The following FRMD4A variants were observed in gnomAD, a reference collection of about 807,000 sequenced individuals.
The protein encoded by FRMD4A is FERM domain containing 4A, also known as FERM domain-containing protein 4A.
In FRMD4A, 29 loss-of-function variants were observed where a neutral mutation model predicts 129.1. The ratio of observed to expected loss-of-function variants is 0.22; its 90% CI spans 0.17 to 0.31. The LOEUF (loss-of-function observed/expected upper bound fraction) is 0.31. FRMD4A is among the 10% of genes least tolerant of loss of function. The pLI is 1.00. For missense variants in FRMD4A, 1,272 were observed against 1,375.8 expected (o/e 0.92, Z 1.19); for synonymous variants, 634 against 571.6 (o/e 1.11, Z -1.56).
At chr10:13,652,764 G>A (rs2081758537) in intron 23 of FRMD4A, 1 of 152,182 alleles carries the variant, frequency 6.6e-6, no homozygotes, top group Admixed American at 6.5e-5. Flanking sequence ...ACTTGAGTGT[G>A]GGTCAGCATC....
intron 2 of FRMD4A, among the ~76,000 whole-genome samples, chr10:14,043,073 A>C (rs925921029): frequency 2.6e-5 from 4 of 152,162 alleles, no homozygotes; most frequent in Non-Finnish European, 4.4e-5. Context: ...AAATGTTCAG[A>C]TCTTCCAGGT....
At chr10:14,098,489 C>T (rs1027518877) in intron 2 of FRMD4A, among the ~76,000 whole-genome samples, 2 of 151,910 alleles carry the variant, frequency 1.3e-5, no homozygotes, top group Admixed American at 1.3e-4. Context: ...CTGCAAGCTC[C>T]GCTTCCCGGG....
In FRMD4A at chr10:14,129,408, A is replaced by ATATATAT. The variant is rs1491249191; in HGVS notation, c.45+200649_45+200650insATATATA. ...TATATATATATATATATATATATATAAAAAATATGAGCTGTAGAACATACT... is the reference window on the plus strand; with the variant it reads ...TATATATATATATATATATATATATATATATATAAAAATATGAGCTGTAGAACATACT... On this transcript the variant is annotated intron_variant, in intron 2 of 24. Transcript: ENST00000357447. Among the ~76,000 whole-genome samples, 44 of 103,168 alleles carry ATATATAT rather than the reference A, an allele frequency of 4.3e-4. 1 individual carries two copies. Among genetic ancestry groups the ATATATAT allele is most frequent in the Middle Eastern group, 5.0e-3 (1 of 202 alleles). The allele number at this position is 103,168 out of a possible 152,430, so 67.7% of individuals were successfully genotyped here.
chr10:14,297,948 A>C (rs1055255255), intron 2 of FRMD4A, among the ~76,000 whole-genome samples: 1 of 152,238 alleles, frequency 6.6e-6, no homozygotes, highest in African/African-American at 2.4e-5. Context: ...AATTAATGTT[A>C]TCTCTCTGGG....
intron 2 of FRMD4A, among the ~76,000 whole-genome samples, chr10:14,296,939 C>T (rs997989717): frequency 1.3e-5 from 2 of 152,178 alleles, no homozygotes; most frequent in Non-Finnish European, 2.9e-5. Context: ...GGGGAGACAA[C>T]ATCAGTAAAT....
At chr10:13,841,175 C>T (rs1400229537) in intron 3 of FRMD4A, among the ~76,000 whole-genome samples, 1 of 152,076 alleles carries the variant, frequency 6.6e-6, no homozygotes, top group Non-Finnish European at 1.5e-5. Context: ...GTAGTAGAGA[C>T]TTCATACATT....
At chr10:14,058,543 G>GA (rs950367262) in intron 2 of FRMD4A, among the ~76,000 whole-genome samples, 3 of 152,054 alleles carry the variant, frequency 2.0e-5, no homozygotes, top group African/African-American at 7.2e-5. Flanking sequence ...GTAAAAACTA[G>GA]AAAAAAATGA....
chr10:13,797,041 T>C (rs1399171268), intron 4 of FRMD4A, among the ~76,000 whole-genome samples: 1 of 152,140 alleles, frequency 6.6e-6, no homozygotes, highest in East Asian at 1.9e-4. Context: ...ATTACTAGCT[T>C]TTCAGTATTG....
chr10:13,722,232 T>A (rs1308577885), intron 12 of FRMD4A, among the ~76,000 whole-genome samples: 9 of 149,924 alleles, frequency 6.0e-5, no homozygotes, highest in Admixed American at 6.0e-4. Context: ...GGGCTCTTTT[T>A]TTTTTTTTTT....
intron 15 of FRMD4A, chr10:13,693,032 TA>T (rs775628588): frequency 4.1e-4 from 10 of 24,674 alleles, no homozygotes; most frequent in South Asian, 3.0e-3. Context: ...CCTGGCTAAT[TA>T]ATTTTTTTTT....
At chr10:14,292,317 C>T (rs2132076764) in intron 2 of FRMD4A, among the ~76,000 whole-genome samples, 1 of 152,276 alleles carries the variant, frequency 6.6e-6, no homozygotes, top group East Asian at 1.9e-4. Context: ...TGGAATAGAA[C>T]AGAATGCTCA....
intron 2 of FRMD4A, among the ~76,000 whole-genome samples, chr10:13,914,346 C>T (rs78968973): frequency 0.02 from 3,029 of 152,178 alleles, 113 homozygotes; most frequent in African/African-American, 0.069. Flanking sequence ...TTATGAATAA[C>T]GTATCCAATA....
intron 2 of FRMD4A, among the ~76,000 whole-genome samples, chr10:14,258,934 A>C (rs1622532): frequency 0.089 from 13,494 of 152,224 alleles, 1,251 homozygotes; most frequent in African/African-American, 0.23. Flanking sequence ...TCTATTCATA[A>C]AAATATTAAG....
chr10:13,947,591 T>TACAC (rs748796572), intron 2 of FRMD4A, among the ~76,000 whole-genome samples: 1 of 149,552 alleles, frequency 6.7e-6, no homozygotes, highest in Admixed American at 6.7e-5. Flanking sequence ...GCAACATGCA[T>TACAC]ACACACACAC....
intron 5 of FRMD4A, among the ~76,000 whole-genome samples, chr10:13,787,851 G>A (rs2092906922): frequency 6.8e-6 from 1 of 147,906 alleles, no homozygotes; most frequent in African/African-American, 2.5e-5. Flanking sequence ...GGAGGCCGAG[G>A]CAGGCAGATC....
chr10:13,933,985 T>C (rs1207824117), intron 2 of FRMD4A, among the ~76,000 whole-genome samples: 1 of 152,034 alleles, frequency 6.6e-6, no homozygotes, highest in Non-Finnish European at 1.5e-5. Flanking sequence ...ATGCAGAAAA[T>C]AGCAACAGCA....
intron 2 of FRMD4A, among the ~76,000 whole-genome samples, chr10:14,230,582 C>A (rs1017862401): frequency 4.6e-5 from 7 of 152,156 alleles, no homozygotes; most frequent in Non-Finnish European, 1.5e-5. Context: ...CATTGGTACT[C>A]TTAATTCCTG....
intron 15 of FRMD4A, 81 bp from the exon 16 acceptor site, chr10:13,675,125 T>C (rs2134732905): frequency 7.6e-7 from 1 of 1,312,082 alleles, no homozygotes; most frequent in Non-Finnish European, 1.1e-6. Flanking sequence ...CTGGAGCCCA[T>C]GCTGCGGAGA....
At chr10:14,183,507 T>C (rs1589137607) in intron 2 of FRMD4A, among the ~76,000 whole-genome samples, 1 of 151,640 alleles carries the variant, frequency 6.6e-6, no homozygotes, top group African/African-American at 2.4e-5. Context: ...ATTATCTTCA[T>C]AGCTCTAAGG....
Sources: allele counts gnomAD v4.1 joint callset (sites outside exome capture counted in the v4.1 genomes callset), GRCh38; gene constraint gnomAD v4.1.1; transcripts MANE v1.5; gene names NCBI Gene and HGNC (gene_info 2026-07-23, HGNC 2026-07-21).